The following AHCY variants were observed in gnomAD, a reference collection of about 807,000 sequenced individuals.
AHCY encodes the protein S-adenosyl-L-homocysteine hydrolase.
AHCY carries 24 observed loss-of-function variants against 45.4 expected under a neutral mutation model. The ratio of observed to expected loss-of-function variants is 0.53; its 90% CI spans 0.38 to 0.74. The LOEUF (loss-of-function observed/expected upper bound fraction) is 0.74. Among genes scored for constraint, AHCY ranks in the 30% least tolerant of loss-of-function variants. The pLI is 0.00. For missense variants in AHCY, 449 were observed against 594.1 expected, an observed-to-expected ratio of 0.76 and a Z score of 2.54; for synonymous variants, 245 against 235.1, an observed-to-expected ratio of 1.04 and a Z score of -0.39.
intron 3 of AHCY, 61 bp downstream of exon 3, chr20:34,294,020 T>G (rs1421712329): frequency 2.0e-6 from 3 of 1,535,268 alleles, no homozygotes; most frequent in Non-Finnish European, 2.7e-6. Context: ...TAGCAGTCAG[T>G]GAAGCAAAGA....
chr20:34,278,043 G>A (rs974534470), downstream of AHCY, among the ~76,000 whole-genome samples: 3 of 152,208 alleles, frequency 2.0e-5, no homozygotes, highest in Admixed American at 6.5e-5. Context: ...CTTTCTCCAT[G>A]AAGCTTTGAT....
chr20:34,245,841 A>AAT, the AHCY span: 38 of 765,690 alleles, frequency 5.0e-5, no homozygotes, highest in African/African-American at 1.1e-4. Context: ...TTTACTGTAG[A>AAT]ATATATATAT....
In AHCY at chr20:34,309,234, A is replaced by T. The variant is rs1251264333; in HGVS notation, c.-57+2238T>A. Among the ~76,000 whole-genome samples, 9 of 152,154 alleles carry T rather than the reference A, an allele frequency of 5.9e-5. 1 individual carries two copies. The highest frequency in any genetic ancestry group is 5.9e-4 in the Admixed American group (9 of 15,272). On this transcript the variant is annotated intron_variant, in intron 1 of 9. Coordinates refer to the AHCY transcript ENST00000538132. The stretch of plus-strand genomic sequence containing the variant: ...CTTGGCCTCCCAAAGTGTTGAGATT[A>T]CAGGCGTGAGCCACCACGCCTGGCC...
rs1459595498 is a variant in AHCY, at chr20:34,303,116, A to G, written c.28+127T>C. The G allele has an allele frequency of 2.0e-6, 3 of 1,494,506 alleles. No individual in the cohort carries two copies. In the Admixed American group the frequency reaches 7.2e-5, roughly 36 times the overall value. The allele number at this position is 1,494,506 out of a possible 1,614,324, so 92.6% of individuals were successfully genotyped here. ...AACTTCCAGCTGGCTTCGCGCGGCC[A>G]GAAACGCGCCGAGGCTGCGATTCCA... On this transcript the variant is annotated intron_variant, in intron 1 of 9. Coordinates refer to ENST00000217426, the MANE Select transcript of AHCY (RefSeq NM_000687.4).
At chr20:34,268,607 G>A in the AHCY span, among the ~76,000 whole-genome samples, 3 of 151,836 alleles carry the variant, frequency 2.0e-5, no homozygotes, top group Non-Finnish European at 4.4e-5. Context: ...GTGGTGGTGC[G>A]CACATGTGGT....
intron 1 of AHCY, among the ~76,000 whole-genome samples, chr20:34,295,979 TC>T (rs2036566686): frequency 6.6e-6 from 1 of 151,820 alleles, no homozygotes; most frequent in Non-Finnish European, 1.5e-5. Flanking sequence ...TTCTCCATCT[TC>T]CTCTCTCAGT....
At chr20:34,311,755 C>T (rs1444255529) in exon 1 of AHCY, 1 of 152,554 alleles carries the variant, frequency 6.6e-6, no homozygotes, top group Admixed American at 6.5e-5. Context: ...CTTGTCCACC[C>T]CGCTAGGGGT....
At chr20:34,269,187 C>CG in the AHCY span, 1 of 1,484,186 alleles carries the variant, frequency 6.7e-7, no homozygotes, top group African/African-American at 1.5e-5. Context: ...CTCCCGGCCG[C>CG]GAGCAGGCAG....
Position 34,280,914 on chromosome 20 carries a change from C to T in AHCY, c.*120G>A. ...AGGCCAAAAACTAAGTGATCAGCCC[C>T]AGAGAGTCGATGGGGGACACTGACA... is the stretch of plus-strand genomic sequence containing the variant. On this transcript the variant is annotated 3_prime_UTR_variant, in exon 10 of 10. Transcript: ENST00000217426. 6.8e-7 allele frequency: 1 copy of T among 1,476,222 alleles called. No individual in the cohort carries two copies. Among genetic ancestry groups the T allele is most frequent in the South Asian group, 1.2e-5 (1 of 82,832 alleles). The allele number at this position is 1,476,222 out of a possible 1,614,324, so 91.4% of individuals were successfully genotyped here.
the AHCY span, among the ~76,000 whole-genome samples, chr20:34,238,277 G>A: frequency 6.6e-6 from 1 of 152,068 alleles, no homozygotes; most frequent in Non-Finnish European, 1.5e-5. Context: ...AGACTTCTGA[G>A]AGAATGCATA....
chr20:34,280,695 G>A lies in AHCY; in HGVS notation c.*339C>T, dbSNP rs1010039482. Reference sequence around the variant, plus strand: ...GTATAAGTCCACAGACCAGGTGAAGGCCTAGATGGCAAAACACATGGGCTT... The same window carrying A: ...GTATAAGTCCACAGACCAGGTGAAGACCTAGATGGCAAAACACATGGGCTT... On this transcript the variant is annotated 3_prime_UTR_variant, in exon 10 of 10. Transcript: ENST00000217426. The A allele has an allele frequency of 2.6e-6, 1 of 385,918 alleles. No homozygotes were observed. Among genetic ancestry groups the A allele is most frequent in the African/African-American group, 2.1e-5 (1 of 48,170 alleles). 23.9% of individuals were successfully genotyped at this position (385,918 alleles called of 1,614,324 possible).
chr20:34,257,186 C>T, the AHCY span, among the ~76,000 whole-genome samples: 1 of 151,652 alleles, frequency 6.6e-6, no homozygotes, highest in Admixed American at 6.6e-5. Flanking sequence ...TGGGTTCAGG[C>T]GATTCTCCTG....
chr20:34,296,377 C>T (rs2036578453), intron 1 of AHCY, among the ~76,000 whole-genome samples: 1 of 152,136 alleles, frequency 6.6e-6, no homozygotes, highest in Non-Finnish European at 1.5e-5. Flanking sequence ...ATTTGGATTT[C>T]ATATTAATCT....
chr20:34,300,849 C>T (rs547240239), intron 1 of AHCY, among the ~76,000 whole-genome samples: 1 of 152,106 alleles, frequency 6.6e-6, no homozygotes, highest in Non-Finnish European at 1.5e-5. Flanking sequence ...GGGTGGTGAC[C>T]GTGGAGACAG....
At chr20:34,281,202 A>G (rs750682587) in intron 9 of AHCY, 37 bp from the exon 10 acceptor site, 2 of 1,610,964 alleles carry the variant, frequency 1.2e-6, no homozygotes, top group South Asian at 1.1e-5. Context: ...AATCAGTGCC[A>G]TTTTCTGGGA....
the AHCY span, among the ~76,000 whole-genome samples, chr20:34,232,190 A>G: frequency 6.6e-6 from 1 of 152,222 alleles, no homozygotes; most frequent in East Asian, 1.9e-4. Flanking sequence ...TTTTTAACCC[A>G]GGGAGATATT....
chr20:34,292,821 G>A (rs1043176650), intron 3 of AHCY, among the ~76,000 whole-genome samples: 20 of 152,064 alleles, frequency 1.3e-4, no homozygotes, highest in African/African-American at 3.9e-4. Context: ...ACAGCCCCCC[G>A]CCCCAGATAT....
chr20:34,268,880 C>T, the AHCY span: 18 of 1,370,310 alleles, frequency 1.3e-5, no homozygotes, highest in Non-Finnish European at 1.6e-5. Flanking sequence ...GGCAAGCCAG[C>T]GGGGAAACCT....
At chr20:34,249,423 A>G in the AHCY span, among the ~76,000 whole-genome samples, 1 of 151,976 alleles carries the variant, frequency 6.6e-6, no homozygotes, top group Admixed American at 6.6e-5. Context: ...TACTGCTGAA[A>G]CTTTACTGAG....
Sources: allele counts gnomAD v4.1 joint callset (sites outside exome capture counted in the v4.1 genomes callset), GRCh38; gene constraint gnomAD v4.1.1; transcripts MANE v1.5; gene names NCBI Gene and HGNC (gene_info 2026-07-23, HGNC 2026-07-21).